The following UFSP2 variants were observed in gnomAD, a reference collection of about 807,000 sequenced individuals.
The protein encoded by UFSP2 is UFM1 specific peptidase 2.
A neutral mutation model predicts 60.2 loss-of-function variants in UFSP2; 43 were observed. That is an observed-to-expected ratio of 0.71 (90% CI 0.56 to 0.92). The LOEUF is 0.92. Ranked by LOEUF, UFSP2 falls within the 40% of genes least tolerant of loss-of-function variation. UFSP2 has a pLI of 0.00. For synonymous variants in UFSP2, 183 were observed against 195.1 expected (o/e 0.94, Z 0.52); for missense variants, 520 against 575.0 (o/e 0.90, Z 0.98).
At position 185,399,715 on chromosome 4, in the gene UFSP2, C is replaced by G. The variant is rs913977365; in HGVS notation, c.*677G>C. 3.1e-6 allele frequency: 5 copies of G among 1,614,134 alleles called. No homozygotes were observed. The highest frequency in any genetic ancestry group is 1.7e-6 in the Non-Finnish European group (2 of 1,180,024). The stretch of plus-strand genomic sequence containing the variant: ...TGACAGGAATGATTGTGTTGCCGTG[C>G]TCAGACAGAAACGGAGTCTCGGAAG... On this transcript the variant is annotated 3_prime_UTR_variant, in exon 12 of 12. Transcript: ENST00000264689.
chr4:185,419,439 C>CT (rs1439216951), intron 2 of UFSP2, among the ~76,000 whole-genome samples: 1 of 152,150 alleles, frequency 6.6e-6, no homozygotes, highest in Admixed American at 6.6e-5. Context: ...CCTCCTACAT[C>CT]TTTTCTAATT....
In UFSP2 at chr4:185,415,350, G is replaced by A; in HGVS notation, c.492-3C>T. The A allele has an allele frequency of 6.4e-7, 1 of 1,567,686 alleles. No homozygotes were observed. Among genetic ancestry groups the A allele is most frequent in the Non-Finnish European group, 8.6e-7 (1 of 1,166,184 alleles). On this transcript the variant is annotated splice_polypyrimidine_tract_variant and splice_region_variant and intron_variant, in intron 5 of 11. Coordinates refer to ENST00000264689, the MANE Select transcript of UFSP2 (RefSeq NM_018359.5). ...CATCAACCAGGAGTTTACGAACTCT[G>A]TGGGGGGAAATATATAAGTGTATTA...
intron 7 of UFSP2, among the ~76,000 whole-genome samples, chr4:185,412,198 G>A (rs760538934): frequency 5.9e-5 from 9 of 152,004 alleles, no homozygotes; most frequent in Non-Finnish European, 1.0e-4. Context: ...TTTTTCTTAC[G>A]ACCTTGTAAT....
At chr4:185,417,823 C>T (rs2095541451) in intron 4 of UFSP2, among the ~76,000 whole-genome samples, 2 of 152,112 alleles carry the variant, frequency 1.3e-5, no homozygotes, top group East Asian at 1.9e-4. Flanking sequence ...GCAGGTGGAT[C>T]GCCCGAGGTC....
intron 10 of UFSP2, among the ~76,000 whole-genome samples, chr4:185,403,924 T>C (rs1374931768): frequency 7.7e-6 from 1 of 130,364 alleles, no homozygotes; most frequent in African/African-American, 2.8e-5. Flanking sequence ...TGAGCCGAGA[T>C]CATGCCACCG....
chr4:185,400,638 A>G, intron 11 of UFSP2, 160 bp from the exon 12 acceptor site: 1 of 477,970 alleles, frequency 2.1e-6, no homozygotes, highest in Non-Finnish European at 3.7e-6. Context: ...AAAGTAACGT[A>G]TCTTACCCTT....
chr4:185,415,407 G>C, intron 5 of UFSP2, 60 bp from the exon 6 acceptor site: 9 of 1,387,476 alleles, frequency 6.5e-6, no homozygotes, highest in Non-Finnish European at 8.7e-6. Context: ...ATAAAGAAAA[G>C]TACAGAGCTA....
chr4:185,406,032 C>T, intron 9 of UFSP2, 176 bp from the exon 10 acceptor site: 2 of 1,375,456 alleles, frequency 1.5e-6, no homozygotes, highest in South Asian at 2.5e-5. Context: ...CAATTTAAAG[C>T]AACATAAACT....
At chr4:185,413,486 A>C (rs77965951) in intron 7 of UFSP2, among the ~76,000 whole-genome samples, 7,754 of 152,300 alleles carry the variant, frequency 0.051, 244 homozygotes, top group South Asian at 0.088. Flanking sequence ...AAATGGGACA[A>C]GCCTTTAAAG....
intron 11 of UFSP2, among the ~76,000 whole-genome samples, chr4:185,402,516 C>T (rs943302844): frequency 4.6e-5 from 7 of 152,176 alleles, no homozygotes; most frequent in Non-Finnish European, 1.0e-4. Context: ...ACTCCTGTTG[C>T]CCAGGCTGGG....
Position 185,399,878 on chromosome 4 carries a change from G to C in UFSP2, c.*514C>G. 1 of 1,547,890 alleles carries C rather than the reference G, an allele frequency of 6.5e-7. No homozygotes were observed. Among genetic ancestry groups the C allele is most frequent in the Non-Finnish European group, 8.7e-7 (1 of 1,147,502 alleles). On this transcript the variant is annotated 3_prime_UTR_variant, in exon 12 of 12. Transcript: ENST00000264689. Reference sequence around the variant, plus strand: ...TGACACTCGTATTTCTAGTAGTATTGTTTCATTCTCATTAACATTTTAGTA... The same window carrying C: ...TGACACTCGTATTTCTAGTAGTATTCTTTCATTCTCATTAACATTTTAGTA...
intron 7 of UFSP2, among the ~76,000 whole-genome samples, chr4:185,413,070 C>T (rs140066463): frequency 3.3e-4 from 51 of 152,258 alleles, no homozygotes; most frequent in Middle Eastern, 6.8e-3. Flanking sequence ...CTTTGGGAGG[C>T]CTACATGGCG....
At chr4:185,421,569 T>C (rs1347116358) in intron 2 of UFSP2, among the ~76,000 whole-genome samples, 1 of 152,162 alleles carries the variant, frequency 6.6e-6, no homozygotes, top group Non-Finnish European at 1.5e-5. Context: ...GCCCCCTCCT[T>C]TGCCTTCCAC....
chr4:185,405,628 T>C, intron 10 of UFSP2, 152 bp downstream of exon 10: 1 of 763,688 alleles, frequency 1.3e-6, no homozygotes, highest in Non-Finnish European at 2.0e-6. Flanking sequence ...CCTTAGAAAT[T>C]TTTTTCAATA....
Position 185,407,389 on chromosome 4 carries a change from A to C in UFSP2, c.1121+547T>G, listed in dbSNP as rs373092093. ...TTTTAAAACATAAGCTCATACAATC[A>C]GGAGTCAGCTAGTTATGGTCATAGA... On this transcript the variant is annotated intron_variant, in intron 9 of 11. Transcript: ENST00000264689. Among the ~76,000 whole-genome samples the C allele has an allele frequency of 7.0e-4, 106 of 152,256 alleles. 1 individual carries two copies. The highest frequency in any genetic ancestry group is 2.5e-3 in the African/African-American group (105 of 41,564).
chr4:185,422,888 C>T (rs1160636242), intron 1 of UFSP2, among the ~76,000 whole-genome samples: 3 of 48,024 alleles, frequency 6.2e-5, no homozygotes, highest in Non-Finnish European at 1.2e-4. Context: ...GAGACAGGGT[C>T]TCACTCTGTC....
At chr4:185,404,106 G>C (rs1418740674) in intron 10 of UFSP2, among the ~76,000 whole-genome samples, 1 of 149,526 alleles carries the variant, frequency 6.7e-6, no homozygotes, top group Non-Finnish European at 1.5e-5. Flanking sequence ...TAACACAAAA[G>C]ATACAATCAT....
At chr4:185,407,897 C>T (rs1480680848) in intron 9 of UFSP2, 39 bp downstream of exon 9, 1 of 1,575,408 alleles carries the variant, frequency 6.3e-7, no homozygotes. Flanking sequence ...CAGACTGTCA[C>T]TTTGAAATGA....
At position 185,413,869 on chromosome 4, in the gene UFSP2, A is replaced by G. The variant is rs764248250; in HGVS notation, c.688T>C (p.Leu230=). The change falls in exon 7 of 12, where the codon TTA becomes CTA. Residue 230 remains leucine, a synonymous_variant. Transcript: ENST00000264689. ...DGQLQAYRKE[L]HDLFNLPHDR... is the part of the protein sequence containing the mutation. ...TGAGGCAGATTGAAAAGATCATGTA[A>G]CTCCTAAAATAAATCAGAATCAACA... The G allele has an allele frequency of 4.8e-5, 76 of 1,597,930 alleles. No homozygotes were observed. The South Asian group carries it at 8.5e-4, about 18-fold the overall frequency.
Sources: gnomAD v4.1 joint callset for allele counts (sites outside exome capture counted in the v4.1 genomes callset) on GRCh38, gnomAD v4.1.1 for gene constraint, MANE v1.5 for transcripts, NCBI Gene and HGNC (gene_info 2026-07-23, HGNC 2026-07-21) for gene names.